The following ARHGEF17 variants were observed in gnomAD, a reference collection of about 807,000 sequenced individuals.
ARHGEF17 encodes the protein 164 kDa Rho-specific guanine-nucleotide exchange factor.
Under a neutral mutation model 174.0 loss-of-function variants are expected in ARHGEF17, and 80 were observed. The ratio of observed to expected loss-of-function variants is 0.46; its 90% CI spans 0.38 to 0.55. The LOEUF (loss-of-function observed/expected upper bound fraction) is 0.55, where lower values mean the gene tolerates loss of function less well. Among genes scored for constraint, ARHGEF17 ranks in the 20% least tolerant of loss-of-function variants. The pLI is 0.00. For synonymous variants in ARHGEF17, 1,311 were observed against 1,189.1 expected, an observed-to-expected ratio of 1.10 and a Z score of -2.11; for missense variants, 2,886 against 2,839.7, an observed-to-expected ratio of 1.02 and a Z score of -0.37.
At position 73,365,518 on chromosome 11, in the gene ARHGEF17, G is replaced by T; in HGVS notation, c.5679G>T (p.Gln1893His). The change falls in exon 19 of 21, where the codon CAG (glutamine) becomes CAT (histidine). Residue 1893 changes from glutamine to histidine, a missense_variant. Physicochemically the swap from Gln to His is conservative, Grantham distance 24 (BLOSUM62 0). Around this residue, in one of 4 missense-constraint regions of ARHGEF17, gnomAD observed 329 missense variants for 435.2 expected, o/e 0.76. Coordinates refer to ENST00000263674, the MANE Select transcript of ARHGEF17 (RefSeq NM_014786.4). The surrounding 1 kb of genome is among the most constrained non-coding windows in gnomAD (Gnocchi z 4.9). ...VCLYHPDTFE[Q>H]LAEVDVTPPV... ...TCTACCATCCAGACACCTTTGAGCA[G>T]CTGGCAGAAGTAGACGTCACTCCTC... 1 of 1,614,158 alleles carries T rather than the reference G, an allele frequency of 6.2e-7. No homozygotes were observed. The highest frequency in any genetic ancestry group is 8.5e-7 in the Non-Finnish European group (1 of 1,180,038).
intron 2 of ARHGEF17, among the ~76,000 whole-genome samples, chr11:73,352,216 C>T (rs921283040): frequency 6.6e-6 from 1 of 152,048 alleles, no homozygotes; most frequent in African/African-American, 2.4e-5. Flanking sequence ...CCCAGCTACT[C>T]GGGAGGCTGA....
chr11:73,336,556 G>A (rs937691848), intron 1 of ARHGEF17, among the ~76,000 whole-genome samples: 1 of 152,208 alleles, frequency 6.6e-6, no homozygotes, highest in Non-Finnish European at 1.5e-5. Context: ...GACAGTTTCT[G>A]GAAGGAGTGG....
At chr11:73,331,972 A>C (rs912885732) in intron 1 of ARHGEF17, among the ~76,000 whole-genome samples, 1 of 152,100 alleles carries the variant, frequency 6.6e-6, no homozygotes, top group African/African-American at 2.4e-5. Context: ...CCATAGTGAA[A>C]GGAGCTACCA....
At chr11:73,320,498 G>A (rs549482768) in intron 1 of ARHGEF17, among the ~76,000 whole-genome samples, 32 of 151,480 alleles carry the variant, frequency 2.1e-4, no homozygotes, top group Non-Finnish European at 3.2e-4. Flanking sequence ...TTAGCAGGGC[G>A]TAGTCCTAGC....
chr11:73,348,303 T>G (rs2134412320), intron 2 of ARHGEF17, among the ~76,000 whole-genome samples: 1 of 152,152 alleles, frequency 6.6e-6, no homozygotes, highest in African/African-American at 2.4e-5. Context: ...GGGGCATTAG[T>G]GGTAAGGGCC....
At chr11:73,359,330 C>T (rs907592589) in intron 9 of ARHGEF17, among the ~76,000 whole-genome samples, 5 of 152,210 alleles carry the variant, frequency 3.3e-5, no homozygotes, top group African/African-American at 1.2e-4. Context: ...GGGTTGAGGG[C>T]GGCAGGCCGT....
rs1382128486 is a variant in ARHGEF17 at position 73,311,589 on chromosome 11, T to G, written c.2951T>G (p.Val984Gly). The stretch of plus-strand genomic sequence containing the variant: ...ACTTCTGTTGGTCCCCCTGTGGCTG[T>G]GCCAGAACCCATAGGCTTCCCTACC... ...PPTSVGPPVA[V>G]PEPIGFPTRA... Residue 984 changes from valine to glycine, a missense_variant, in exon 1 of 21, where the codon GTG becomes GGG. Transcript: ENST00000263674. 6.2e-7 allele frequency: 1 copy of G among 1,613,552 alleles called. No individual in the cohort carries two copies. Among genetic ancestry groups the G allele is most frequent in the South Asian group, 1.1e-5 (1 of 91,078 alleles).
Position 73,309,132 on chromosome 11 carries a change from C to T in ARHGEF17, c.494C>T (p.Ser165Leu), listed in dbSNP as rs1322054482. 8 of 1,575,100 alleles carry T rather than the reference C, an allele frequency of 5.1e-6. No homozygotes were observed. The highest frequency in any genetic ancestry group is 1.7e-4 in the Middle Eastern group (1 of 6,002). ...GCGTGGGAGCCTCCGGCTCGGGAGTCGCGGCAGCCACCGACGCCACCCCCT... is the reference window on the plus strand; with the variant it reads ...GCGTGGGAGCCTCCGGCTCGGGAGTTGCGGCAGCCACCGACGCCACCCCCT... ...GAAWEPPARE[S>L]RQPPTPPPRT... is the part of the protein sequence containing the mutation. Residue 165 changes from serine to leucine, a missense_variant, in exon 1 of 21, where the codon TCG becomes TTG. Coordinates refer to ENST00000263674, the MANE Select transcript of ARHGEF17 (RefSeq NM_014786.4).
intron 1 of ARHGEF17, among the ~76,000 whole-genome samples, chr11:73,333,168 A>C (rs7933162): frequency 0.31 from 46,627 of 152,014 alleles, 9,367 homozygotes; most frequent in African/African-American, 0.58. Context: ...TGCCAATAAT[A>C]ATGACAAGAC....
intron 2 of ARHGEF17, among the ~76,000 whole-genome samples, chr11:73,351,801 C>T (rs1376693295): frequency 2.0e-5 from 3 of 151,998 alleles, no homozygotes; most frequent in African/African-American, 2.4e-5. Context: ...AGGCTGGTGG[C>T]GAACTCCTGA....
chr11:73,364,982 G>A (rs1314647061), intron 18 of ARHGEF17: 4 of 294,710 alleles, frequency 1.4e-5, no homozygotes, highest in East Asian at 7.6e-5. Context: ...CAGGGGCAAC[G>A]GGTTCCCTTA....
rs775713882 is a variant in ARHGEF17 at position 73,309,782 on chromosome 11, G to A, written c.1144G>A (p.Ala382Thr). The change falls in exon 1 of 21, where the codon GCC becomes ACC. Residue 382 changes from alanine (A) to threonine (T), a missense_variant. Coordinates refer to ENST00000263674, the MANE Select transcript of ARHGEF17 (RefSeq NM_014786.4). ...CAAGGTGAGCTTTCCCTCGTACCTG[G>A]CCAGCCCCGCAGGCTCCCGCGGTAG... ...VAKVSFPSYL[A>T]SPAGSRGSSR... 1.9e-6 allele frequency: 3 copies of A among 1,612,966 alleles called. No individual in the cohort carries two copies. Among genetic ancestry groups the A allele is most frequent in the African/African-American group, 1.3e-5 (1 of 75,036 alleles).
intron 1 of ARHGEF17, among the ~76,000 whole-genome samples, chr11:73,329,189 T>TTGTGCAGATAAAAGG (rs1865150911): frequency 6.6e-6 from 1 of 150,400 alleles, no homozygotes; most frequent in African/African-American, 2.5e-5. Flanking sequence ...TGTGAATCCT[T>TTGTGCAGATAAAAGG]TTATCTGCAA....
chr11:73,352,883 A>G lies in ARHGEF17; in HGVS notation c.3324A>G (p.Ser1108=), dbSNP rs779125791. ...AGAACTCCGTGCTCTGTGACCCTTC[A>G]CTGGTGGACGAGATCTTCGACCAGA... ...QPENSVLCDP[S]LVDEIFDQIP... Residue 1108 remains serine (S), a synonymous_variant, in exon 3 of 21, where the codon TCA becomes TCG. Coordinates refer to ENST00000263674, the MANE Select transcript of ARHGEF17 (RefSeq NM_014786.4). The G allele has an allele frequency of 9.9e-6, 16 of 1,614,100 alleles. No individual in the cohort carries two copies. Among genetic ancestry groups the G allele is most frequent in the Non-Finnish European group, 1.4e-5 (16 of 1,180,034 alleles).
chr11:73,324,779 C>T (rs547945697), intron 1 of ARHGEF17, among the ~76,000 whole-genome samples: 1 of 152,332 alleles, frequency 6.6e-6, no homozygotes, highest in African/African-American at 2.4e-5. Context: ...ACATAGTGAT[C>T]CTACTGGATT....
In ARHGEF17 at chr11:73,363,219, G is replaced by C; in HGVS notation, c.5010G>C (p.Pro1670=). The C allele has an allele frequency of 6.4e-7, 1 of 1,571,158 alleles. No homozygotes were observed. Among genetic ancestry groups the C allele is most frequent in the Non-Finnish European group, 8.7e-7 (1 of 1,155,948 alleles). The part of the protein sequence containing the change: ...ISSSFGNEET[P]SSKEATAETT... ...TGTCTCCCTCAGATGAGGAGACCCC[G>C]AGTTCCAAGGAGGCCACGGCAGAGA... The change falls in exon 15 of 21, where the codon CCG becomes CCC. Residue 1670 remains proline, a synonymous_variant. Transcript: ENST00000263674.
chr11:73,317,704 G>A (rs560963498), intron 1 of ARHGEF17, among the ~76,000 whole-genome samples: 1 of 152,342 alleles, frequency 6.6e-6, no homozygotes, highest in African/African-American at 2.4e-5. Flanking sequence ...TTCCCCCCAT[G>A]ATGTCCTCCC....
chr11:73,356,417 G>A, intron 6 of ARHGEF17, 66 bp downstream of exon 6: 1 of 1,465,590 alleles, frequency 6.8e-7, no homozygotes, highest in Non-Finnish European at 9.0e-7. Context: ...CTCGGCCTCT[G>A]TGTGCATCTG....
In ARHGEF17 at chr11:73,356,098, A is replaced by G. The variant is rs1044050292; in HGVS notation, c.3664-77A>G. The G allele has an allele frequency of 1.9e-6, 3 of 1,583,482 alleles. No homozygotes were observed. In the African/African-American group the frequency reaches 4.0e-5, roughly 21 times the overall value. On this transcript the variant is annotated intron_variant, in intron 5 of 20. Transcript: ENST00000263674. Reference sequence around the variant, plus strand: ...AGATAGTCCTCTTTGGTGTCTACCCATAGTCCCTCCTGCTCCAGCAGTCTG... The same window carrying G: ...AGATAGTCCTCTTTGGTGTCTACCCGTAGTCCCTCCTGCTCCAGCAGTCTG...
Sources: allele counts gnomAD v4.1 joint callset (sites outside exome capture counted in the v4.1 genomes callset), GRCh38; gene constraint gnomAD v4.1.1; regional missense constraint gnomAD v4.1.1; non-coding constraint Gnocchi (gnomAD v3.1); transcripts MANE v1.5; gene names NCBI Gene and HGNC (gene_info 2026-07-23, HGNC 2026-07-21).